The following CEP128 variants were observed in gnomAD, a reference collection of about 807,000 sequenced individuals.
CEP128 encodes the protein centrosomal protein 128kDa.
In CEP128, 132 loss-of-function variants were observed where a neutral mutation model predicts 156.7. The observed-to-expected ratio is 0.84, with a 90% CI of 0.73 to 0.97. The LOEUF is 0.97. Ranked by LOEUF, CEP128 falls within the 50% of genes least tolerant of loss-of-function variation. The pLI is 0.00. For missense variants in CEP128, 1,252 were observed against 1,281.9 expected, an observed-to-expected ratio of 0.98 and a Z score of 0.36; for synonymous variants, 469 against 448.9, an observed-to-expected ratio of 1.04 and a Z score of -0.57.
chr14:80,498,785 C>A (rs1887609219), intron 24 of CEP128, among the ~76,000 whole-genome samples: 1 of 152,208 alleles, frequency 6.6e-6, no homozygotes, highest in East Asian at 1.9e-4. Flanking sequence ...CCTTGCCTGT[C>A]CTGTTCACTG....
chr14:80,524,701 A>G (rs576596023), intron 23 of CEP128, among the ~76,000 whole-genome samples: 1 of 152,308 alleles, frequency 6.6e-6, no homozygotes, highest in Non-Finnish European at 1.5e-5. Flanking sequence ...TTAAATAACT[A>G]TATTATTTCA....
At chr14:80,776,019 A>G (rs956826934) in intron 16 of CEP128, among the ~76,000 whole-genome samples, 5 of 152,062 alleles carry the variant, frequency 3.3e-5, no homozygotes, top group African/African-American at 1.2e-4. Flanking sequence ...TTTTTAGCAG[A>G]GACAGGGCTT....
chr14:80,935,695 G>A (rs1246342067), intron 2 of CEP128, among the ~76,000 whole-genome samples: 5 of 115,476 alleles, frequency 4.3e-5, no homozygotes, highest in Non-Finnish European at 8.5e-5. Flanking sequence ...TAGCTTAAGT[G>A]AAACAGAAAT....
At chr14:80,767,607 C>T (rs1263688286) in intron 16 of CEP128, among the ~76,000 whole-genome samples, 1 of 151,990 alleles carries the variant, frequency 6.6e-6, no homozygotes. Flanking sequence ...TATAAAAGTC[C>T]AATAACACAC....
chr14:80,504,522 C>A (rs1313673932), intron 24 of CEP128, among the ~76,000 whole-genome samples: 1 of 152,166 alleles, frequency 6.6e-6, no homozygotes, highest in African/African-American at 2.4e-5. Context: ...TATTCTTACT[C>A]TTTGTACAAG....
At chr14:80,614,196 C>A (rs1316519013) in intron 19 of CEP128, among the ~76,000 whole-genome samples, 1 of 152,068 alleles carries the variant, frequency 6.6e-6, no homozygotes, top group Non-Finnish European at 1.5e-5. Context: ...CACCTACTTC[C>A]AAATGATAAA....
chr14:80,915,405 C>T (rs971750740), intron 3 of CEP128, among the ~76,000 whole-genome samples: 13 of 152,212 alleles, frequency 8.5e-5, no homozygotes, highest in Non-Finnish European at 1.5e-4. Flanking sequence ...AGAAATTACC[C>T]TCTTCTTATC....
intron 8 of CEP128, among the ~76,000 whole-genome samples, chr14:80,880,981 G>C (rs1056803300): frequency 1.4e-5 from 2 of 142,854 alleles, no homozygotes; most frequent in African/African-American, 5.1e-5. Flanking sequence ...AACTGAAAAA[G>C]AAATCAGGAA....
At position 80,522,232 on chromosome 14, in the gene CEP128, T is replaced by C. The variant is rs1490647055; in HGVS notation, c.3072+4637A>G. 4.6e-5 allele frequency among the ~76,000 whole-genome samples: 7 copies of C among 152,344 alleles called. 1 individual carries two copies. The East Asian group carries it at 1.3e-3, about 29-fold the overall frequency. ...CAGCATGCTTTAGAAGCTACTGTTG[T>C]AGAAGATTTAAGATATGTACAGAAA... On this transcript the variant is annotated intron_variant, in intron 23 of 24. Transcript: ENST00000555265.
intron 6 of CEP128, among the ~76,000 whole-genome samples, chr14:80,903,215 C>T (rs1883683609): frequency 6.6e-6 from 1 of 152,140 alleles, no homozygotes; most frequent in Non-Finnish European, 1.5e-5. Context: ...CATTTGCGGT[C>T]AACTGATTTT....
At chr14:80,753,132 C>G (rs1011134476) in intron 18 of CEP128, among the ~76,000 whole-genome samples, 1 of 152,142 alleles carries the variant, frequency 6.6e-6, no homozygotes, top group Non-Finnish European at 1.5e-5. Flanking sequence ...AGTGCCTCAA[C>G]TGGGAAAATG....
At chr14:80,613,743 G>A (rs1413740693) in intron 19 of CEP128, among the ~76,000 whole-genome samples, 1 of 151,932 alleles carries the variant, frequency 6.6e-6, no homozygotes, top group Non-Finnish European at 1.5e-5. Context: ...TTCTAACTTT[G>A]ATTCTAATTT....
At chr14:80,908,982 C>T (rs1193105471) in intron 4 of CEP128, among the ~76,000 whole-genome samples, 1 of 111,598 alleles carries the variant, frequency 9.0e-6, no homozygotes, top group Non-Finnish European at 1.9e-5. Flanking sequence ...CTAAAGGGTT[C>T]CTGAACTCCA....
chr14:80,867,988 G>A (rs368204571), intron 8 of CEP128, among the ~76,000 whole-genome samples: 27 of 152,078 alleles, frequency 1.8e-4, no homozygotes, highest in Middle Eastern at 3.4e-3. Context: ...CACATACAAG[G>A]GAACCCTTAT....
intron 19 of CEP128, among the ~76,000 whole-genome samples, chr14:80,604,629 G>A (rs749513887): frequency 8.6e-5 from 13 of 151,938 alleles, no homozygotes; most frequent in Non-Finnish European, 1.3e-4. Flanking sequence ...AAACCATCCC[G>A]TGCCCAAACA....
intron 6 of CEP128, among the ~76,000 whole-genome samples, chr14:80,902,853 C>T (rs183459783): frequency 7.9e-4 from 120 of 152,158 alleles, no homozygotes; most frequent in African/African-American, 2.8e-3. Flanking sequence ...GCAGGGCTTA[C>T]AAAAAATGTG....
chr14:80,772,360 T>C (rs116955247), intron 16 of CEP128, among the ~76,000 whole-genome samples: 1 of 152,032 alleles, frequency 6.6e-6, no homozygotes, highest in Non-Finnish European at 1.5e-5. Context: ...CTGGGGACGG[T>C]TGGAGAGGAG....
chr14:80,805,455 A>G (rs1423006032), intron 13 of CEP128, among the ~76,000 whole-genome samples: 1 of 152,126 alleles, frequency 6.6e-6, no homozygotes, highest in Non-Finnish European at 1.5e-5. Context: ...TGCCAATGAT[A>G]TTATAAACAC....
intron 19 of CEP128, among the ~76,000 whole-genome samples, chr14:80,614,722 G>T (rs7159335): frequency 1.3e-5 from 2 of 151,932 alleles, no homozygotes; most frequent in South Asian, 4.1e-4. Context: ...GTCAAATATC[G>T]TGTTATCTCC....
Sources: allele counts gnomAD v4.1 joint callset (sites outside exome capture counted in the v4.1 genomes callset), GRCh38; gene constraint gnomAD v4.1.1; transcripts MANE v1.5; gene names NCBI Gene and HGNC (gene_info 2026-07-23, HGNC 2026-07-21).